The following SCN8A variants were observed in gnomAD, a reference collection of about 807,000 sequenced individuals.
SCN8A encodes the protein sodium voltage-gated channel alpha subunit 8.
SCN8A carries 30 observed loss-of-function variants against 184.1 expected under a neutral mutation model. That is an observed-to-expected ratio of 0.16 (90% CI 0.12 to 0.22). The LOEUF (loss-of-function observed/expected upper bound fraction) is 0.22, where lower values mean the gene tolerates loss of function less well. SCN8A is among the 10% of genes least tolerant of loss of function. SCN8A has a pLI of 1.00. For missense variants in SCN8A, 1,057 were observed against 2,498.9 expected, an observed-to-expected ratio of 0.42 and a Z score of 12.30; for synonymous variants, 852 against 907.0, an observed-to-expected ratio of 0.94 and a Z score of 1.09.
At chr12:51,645,495 C>T (rs1940562374) in intron 1 of SCN8A, among the ~76,000 whole-genome samples, 3 of 151,792 alleles carry the variant, frequency 2.0e-5, no homozygotes, top group Admixed American at 6.6e-5. Flanking sequence ...ATGACAATGG[C>T]GGTTTTGTAG....
intron 26 of SCN8A, among the ~76,000 whole-genome samples, chr12:51,803,595 T>G (rs1206685798): frequency 6.6e-6 from 1 of 152,122 alleles, no homozygotes; most frequent in Admixed American, 6.5e-5. Flanking sequence ...TTCTCCCTTT[T>G]TCTATGGGGA....
At chr12:51,630,867 C>T (rs1940182199) in intron 1 of SCN8A, among the ~76,000 whole-genome samples, 1 of 152,150 alleles carries the variant, frequency 6.6e-6, no homozygotes, top group African/African-American at 2.4e-5. Context: ...TGTTTCAAGA[C>T]TTGTCAATCT....
chr12:51,716,053 G>C (rs562461420), intron 11 of SCN8A, among the ~76,000 whole-genome samples: 10 of 152,340 alleles, frequency 6.6e-5, no homozygotes, highest in Non-Finnish European at 1.5e-4. Context: ...TAGAGCGTAG[G>C]CTGGATACAG....
chr12:51,778,579 C>G (rs182323982), intron 20 of SCN8A, among the ~76,000 whole-genome samples: 1 of 152,226 alleles, frequency 6.6e-6, no homozygotes, highest in African/African-American at 2.4e-5. Flanking sequence ...TAAATCGAAA[C>G]CTTTAAACCT....
At position 51,780,683 on chromosome 12, in the gene SCN8A, G is replaced by A. The variant is rs1285980764; in HGVS notation, c.3854G>A (p.Gly1285Asp). 1 of 1,584,494 alleles carries A rather than the reference G, an allele frequency of 6.3e-7. No individual in the cohort carries two copies. The highest frequency in any genetic ancestry group is 1.8e-5 in the Admixed American group (1 of 56,134). Residue 1285 changes from glycine (G) to aspartate (D), a missense_variant, in exon 21 of 27, where the codon GGC becomes GAC. Physicochemically the swap from Gly to Asp is moderately conservative, Grantham distance 94 (BLOSUM62 -1). Around this residue, in one of 19 missense-constraint regions of SCN8A, gnomAD observed 43 missense variants for 118.4 expected, o/e 0.36. Transcript: ENST00000627620. The part of the protein sequence containing the change: ...SLVSLIANAL[G>D]YSELGAIKSL... ...GTCAGCCTTATAGCTAATGCCCTGG[G>A]CTACTCGGAACTAGGTGCCATAAAG...
chr12:51,736,741 TCTGTATGAAATCGTAA>T (rs1007256100), intron 12 of SCN8A, among the ~76,000 whole-genome samples: 3 of 152,256 alleles, frequency 2.0e-5, no homozygotes, highest in African/African-American at 7.2e-5. Context: ...CGGTTGTTCA[TCTGTATGAAATCGTAA>T]CTGAGAATTT....
intron 1 of SCN8A, among the ~76,000 whole-genome samples, chr12:51,659,743 A>G (rs893498141): frequency 6.6e-6 from 1 of 152,182 alleles, no homozygotes; most frequent in Non-Finnish European, 1.5e-5. Context: ...TTAGGGCAAT[A>G]CTATTGAAAA....
At chr12:51,801,016 T>G (rs61196332) in intron 26 of SCN8A, among the ~76,000 whole-genome samples, 4,556 of 152,294 alleles carry the variant, frequency 0.03, 239 homozygotes, top group African/African-American at 0.1. Context: ...TTTTTATAAT[T>G]CAAATTAGCC....
intron 12 of SCN8A, 112 bp downstream of exon 12, chr12:51,722,020 C>T (rs925444307): frequency 1.9e-6 from 3 of 1,569,642 alleles, no homozygotes; most frequent in Non-Finnish European, 2.6e-6. Flanking sequence ...CCTGCTCTGC[C>T]CATCCCACTT....
intron 6 of SCN8A, among the ~76,000 whole-genome samples, chr12:51,690,319 TC>T (rs990067408): frequency 6.6e-5 from 10 of 152,186 alleles, no homozygotes; most frequent in African/African-American, 2.4e-4. Flanking sequence ...ACGTGGCTCT[TC>T]CCCTTGTGGC....
chr12:51,699,961 G>A (rs887992096), intron 7 of SCN8A, among the ~76,000 whole-genome samples, 170 bp downstream of exon 7: 2 of 152,110 alleles, frequency 1.3e-5, no homozygotes, highest in Non-Finnish European at 1.5e-5. Context: ...GAGATTGGGA[G>A]TTTGAGACCA....
intron 12 of SCN8A, among the ~76,000 whole-genome samples, chr12:51,742,476 G>A (rs1455264453): frequency 1.3e-5 from 2 of 151,930 alleles, no homozygotes; most frequent in Non-Finnish European, 2.9e-5. Context: ...GTGTTCTAGG[G>A]TAAAAGTTTC....
intron 1 of SCN8A, among the ~76,000 whole-genome samples, chr12:51,606,628 A>G (rs1441248908): frequency 6.6e-6 from 1 of 151,972 alleles, no homozygotes; most frequent in Non-Finnish European, 1.5e-5. Flanking sequence ...GAGAAGAGTG[A>G]TGGTGGCATT....
chr12:51,602,935 CT>C (rs576487360), intron 1 of SCN8A, among the ~76,000 whole-genome samples: 5 of 152,066 alleles, frequency 3.3e-5, no homozygotes, highest in African/African-American at 1.2e-4. Context: ...TATTATTTTC[CT>C]TTTTTTCTTC....
intron 2 of SCN8A, among the ~76,000 whole-genome samples, chr12:51,667,496 G>A (rs1275146134): frequency 6.6e-6 from 1 of 151,818 alleles, no homozygotes; most frequent in African/African-American, 2.4e-5. Flanking sequence ...AGGATCATAC[G>A]CATGCGCCAC....
chr12:51,659,635 A>C (rs1940889475), intron 1 of SCN8A, among the ~76,000 whole-genome samples: 1 of 152,136 alleles, frequency 6.6e-6, no homozygotes, highest in Non-Finnish European at 1.5e-5. Flanking sequence ...GAAATGACTT[A>C]ATGAAAGCAG....
At chr12:51,626,883 G>T (rs182218175) in intron 1 of SCN8A, among the ~76,000 whole-genome samples, 1 of 151,064 alleles carries the variant, frequency 6.6e-6, no homozygotes, top group Admixed American at 6.6e-5. Context: ...TTTTTAGCTT[G>T]GATTATGGAT....
At position 51,630,578 on chromosome 12, in the gene SCN8A, T is replaced by C. The variant is rs1940176957; in HGVS notation, c.-54-32186T>C. Among the ~76,000 whole-genome samples, 3 of 152,276 alleles carry C rather than the reference T, an allele frequency of 2.0e-5. No homozygotes were observed. In the South Asian group the frequency reaches 6.2e-4, roughly 32 times the overall value. ...AATGATGTTGCTGTGGCATTTTGTT[T>C]CATTTTCATTGTAAAATGATTTTAA... On this transcript the variant is annotated intron_variant, in intron 1 of 26. Coordinates refer to ENST00000627620, the MANE Select transcript of SCN8A (RefSeq NM_001330260.2).
chr12:51,741,052 C>G (rs368723088), intron 12 of SCN8A, among the ~76,000 whole-genome samples: 2 of 152,162 alleles, frequency 1.3e-5, no homozygotes, highest in South Asian at 4.1e-4. Context: ...TCCCAAAGTG[C>G]TGGGATTATG....
Sources: allele counts gnomAD v4.1 joint callset (sites outside exome capture counted in the v4.1 genomes callset), GRCh38; gene constraint gnomAD v4.1.1; regional missense constraint gnomAD v4.1.1; transcripts MANE v1.5; gene names NCBI Gene and HGNC (gene_info 2026-07-23, HGNC 2026-07-21).